The following OPCML variants were observed in gnomAD, a reference collection of about 807,000 sequenced individuals.
The protein encoded by OPCML is opioid binding protein/cell adhesion molecule like.
Under a neutral mutation model 37.8 loss-of-function variants are expected in OPCML, and 13 were observed. That is an observed-to-expected ratio of 0.34 (90% CI 0.22 to 0.55). OPCML has a LOEUF of 0.55. OPCML is among the 20% of genes least tolerant of loss of function. The pLI is 0.91. For missense variants in OPCML, 341 were observed against 435.6 expected, an observed-to-expected ratio of 0.78 and a Z score of 1.93; for synonymous variants, 176 against 168.8, an observed-to-expected ratio of 1.04 and a Z score of -0.33.
At chr11:132,516,863 G>A (rs1387371184) in intron 4 of OPCML, among the ~76,000 whole-genome samples, 1 of 152,124 alleles carries the variant, frequency 6.6e-6, no homozygotes, top group Non-Finnish European at 1.5e-5. Flanking sequence ...CACAGCCAAG[G>A]TGTCTTTCTC....
At chr11:133,321,473 G>A (rs1004710942) in intron 1 of OPCML, among the ~76,000 whole-genome samples, 2 of 152,142 alleles carry the variant, frequency 1.3e-5, no homozygotes, top group Non-Finnish European at 2.9e-5. Flanking sequence ...AGTCTGGGGG[G>A]ACAGACCTCC....
At chr11:133,426,290 A>AT (rs1045519382) in intron 1 of OPCML, among the ~76,000 whole-genome samples, 17 of 151,730 alleles carry the variant, frequency 1.1e-4, no homozygotes, top group African/African-American at 2.7e-4. Flanking sequence ...TCAGTAGCAG[A>AT]TTTTTTTTTA....
At chr11:133,229,106 C>G (rs1592124467) in intron 1 of OPCML, among the ~76,000 whole-genome samples, 1 of 152,274 alleles carries the variant, frequency 6.6e-6, no homozygotes, top group Admixed American at 6.5e-5. Flanking sequence ...AAAGGGACAG[C>G]AAAGGCCCCC....
At chr11:132,994,745 A>T (rs966061658) in intron 1 of OPCML, among the ~76,000 whole-genome samples, 1 of 152,160 alleles carries the variant, frequency 6.6e-6, no homozygotes, top group African/African-American at 2.4e-5. Context: ...ATACCAGCTA[A>T]ATGGAACACA....
chr11:133,094,584 TTAG>T (rs1474907247), intron 1 of OPCML, among the ~76,000 whole-genome samples: 1 of 152,206 alleles, frequency 6.6e-6, no homozygotes, highest in Non-Finnish European at 1.5e-5. Flanking sequence ...GTTTATCTTG[TTAG>T]TAGACTATAT....
At chr11:132,478,224 T>C (rs1028303461) in intron 4 of OPCML, among the ~76,000 whole-genome samples, 2 of 152,366 alleles carry the variant, frequency 1.3e-5, no homozygotes, top group Admixed American at 6.5e-5. Flanking sequence ...TTAAACTGTG[T>C]TCTTCCATAA....
chr11:132,994,330 C>T (rs1946840273), intron 1 of OPCML, among the ~76,000 whole-genome samples: 1 of 152,106 alleles, frequency 6.6e-6, no homozygotes, highest in Non-Finnish European at 1.5e-5. Flanking sequence ...TGATACAGGA[C>T]CACACAAAAG....
intron 1 of OPCML, among the ~76,000 whole-genome samples, chr11:133,435,029 G>T (rs1032987776): frequency 6.6e-6 from 1 of 151,858 alleles, no homozygotes; most frequent in Non-Finnish European, 1.5e-5. Context: ...TGCAAAAATT[G>T]TTCAAGTGAG....
chr11:133,448,650 G>T (rs1220486373), intron 1 of OPCML, among the ~76,000 whole-genome samples: 1 of 152,116 alleles, frequency 6.6e-6, no homozygotes, highest in Non-Finnish European at 1.5e-5. Context: ...TAGAGATGGG[G>T]TTTCACCATG....
At chr11:132,433,180 G>C (rs1484036863) in intron 7 of OPCML, among the ~76,000 whole-genome samples, 4 of 152,208 alleles carry the variant, frequency 2.6e-5, no homozygotes, top group Admixed American at 2.0e-4. Flanking sequence ...ACTCTGGCAG[G>C]CATATGGGGG....
At chr11:133,478,666 G>T (rs1476873768) in intron 1 of OPCML, among the ~76,000 whole-genome samples, 1 of 152,104 alleles carries the variant, frequency 6.6e-6, no homozygotes, top group Non-Finnish European at 1.5e-5. Flanking sequence ...CCTTTGAAAG[G>T]CCATTGAAAC....
chr11:132,927,067 G>C (rs1945020263), intron 2 of OPCML, among the ~76,000 whole-genome samples: 3 of 151,988 alleles, frequency 2.0e-5, no homozygotes, highest in Non-Finnish European at 1.5e-5. Context: ...ACACCACAAA[G>C]TAGACCAATA....
At chr11:133,140,760 C>T (rs1399313536) in intron 1 of OPCML, among the ~76,000 whole-genome samples, 1 of 80,144 alleles carries the variant, frequency 1.2e-5, no homozygotes, top group Non-Finnish European at 2.6e-5. Context: ...AAGAAGAAGA[C>T]GACGAAGAAG....
chr11:132,603,351 A>AGGC (rs1452331783), intron 3 of OPCML, among the ~76,000 whole-genome samples: 1 of 152,202 alleles, frequency 6.6e-6, no homozygotes, highest in Admixed American at 6.5e-5. Flanking sequence ...TGGTCACCAA[A>AGGC]GGCAGGCCTA....
chr11:132,840,368 G>A (rs1221125848), intron 2 of OPCML, among the ~76,000 whole-genome samples: 2 of 152,288 alleles, frequency 1.3e-5, no homozygotes, highest in South Asian at 2.1e-4. Context: ...AGCAGCTGAC[G>A]GGGCCCCAAA....
chr11:132,776,330 G>A (rs966436909), intron 2 of OPCML, among the ~76,000 whole-genome samples: 3 of 152,150 alleles, frequency 2.0e-5, no homozygotes, highest in Non-Finnish European at 2.9e-5. Flanking sequence ...AACAAACCCT[G>A]GTGGTGTTAT....
intron 1 of OPCML, among the ~76,000 whole-genome samples, chr11:133,000,445 T>G (rs1290224645): frequency 6.6e-6 from 1 of 152,208 alleles, no homozygotes; most frequent in Non-Finnish European, 1.5e-5. Flanking sequence ...AGTATAAACC[T>G]GTAGTTACAG....
intron 2 of OPCML, among the ~76,000 whole-genome samples, chr11:132,757,014 T>C (rs1034177813): frequency 6.6e-6 from 1 of 152,160 alleles, no homozygotes; most frequent in African/African-American, 2.4e-5. Context: ...TATGTTCTCA[T>C]TGTTCAACTC....
intron 2 of OPCML, among the ~76,000 whole-genome samples, chr11:132,874,522 G>A (rs78561426): frequency 0.035 from 5,234 of 149,548 alleles, 108 homozygotes; most frequent in Middle Eastern, 0.059. Flanking sequence ...TGGAAATGAT[G>A]CACCTCAACC....
Sources: allele counts gnomAD v4.1 joint callset (sites outside exome capture counted in the v4.1 genomes callset), GRCh38; gene constraint gnomAD v4.1.1; transcripts MANE v1.5; gene names NCBI Gene and HGNC (gene_info 2026-07-23, HGNC 2026-07-21).